The following VPS13A variants were observed in gnomAD, a reference collection of about 807,000 sequenced individuals.
The protein encoded by VPS13A is vacuolar protein sorting 13 homolog A.
A neutral mutation model predicts 390.9 loss-of-function variants in VPS13A; 264 were observed. The observed-to-expected ratio is 0.68, with a 90% CI of 0.61 to 0.75. The LOEUF (loss-of-function observed/expected upper bound fraction) is 0.75. VPS13A is among the 30% of genes least tolerant of loss of function. The pLI is 0.00. For synonymous variants in VPS13A, 1,231 were observed against 1,227.1 expected, an observed-to-expected ratio of 1.00 and a Z score of -0.07; for missense variants, 3,409 against 3,733.9, an observed-to-expected ratio of 0.91 and a Z score of 2.27.
chr9:77,182,020 A>C lies in VPS13A; in HGVS notation c.100+4216A>C, dbSNP rs187141981. ...AATTCTCCCTTCCCATATATCATCT[A>C]GTTAGAGAGGTGGTAATATTTCATA... On this transcript the variant is annotated intron_variant, in intron 1 of 71. Coordinates refer to ENST00000360280, the MANE Select transcript of VPS13A (RefSeq NM_033305.3). Among the ~76,000 whole-genome samples, 3 of 152,296 alleles carry C rather than the reference A, an allele frequency of 2.0e-5. No homozygotes were observed. The East Asian group carries it at 5.8e-4, about 29-fold the overall frequency.
chr9:77,293,582 T>G (rs1377156624), intron 32 of VPS13A, 74 bp downstream of exon 32: 2 of 872,974 alleles, frequency 2.3e-6, no homozygotes, highest in Admixed American at 7.5e-5. Context: ...GGATGAAGAC[T>G]AGTAAGAATT....
chr9:77,212,992 A>G lies in VPS13A; in HGVS notation c.579A>G (p.Pro193=), dbSNP rs2131152544. 1.9e-6 allele frequency: 3 copies of G among 1,613,968 alleles called. No homozygotes were observed. Among genetic ancestry groups the G allele is most frequent in the African/African-American group, 2.7e-5 (2 of 75,036 alleles). ...SMQTTDQYWV[P]CLHDETEKLV... ...AGACAACTGATCAATACTGGGTTCC[A>G]TGTTTACATGATGAAACTGAGAAAC... The change falls in exon 8 of 72, where the codon CCA becomes CCG. Residue 193 remains proline, a synonymous_variant. Transcript: ENST00000360280.
chr9:77,391,467 C>G (rs1011664774), intron 68 of VPS13A, among the ~76,000 whole-genome samples: 7 of 152,062 alleles, frequency 4.6e-5, no homozygotes, highest in Non-Finnish European at 8.8e-5. Flanking sequence ...AAGGAAGCAC[C>G]ATGTTTTTTG....
chr9:77,288,081 G>A lies in VPS13A; in HGVS notation c.3339+4431G>A, dbSNP rs566641092. Among the ~76,000 whole-genome samples the A allele has an allele frequency of 3.6e-4, 55 of 152,040 alleles. 1 individual carries two copies. In the South Asian group the frequency reaches 7.9e-3, roughly 22 times the overall value. On this transcript the variant is annotated intron_variant, in intron 31 of 71. Coordinates refer to ENST00000360280, the MANE Select transcript of VPS13A (RefSeq NM_033305.3). Reference sequence around the variant, plus strand: ...CCTTAGAATCACTGCACTGTTTTTCGTTCCTGTAGTTTTGCAGTTTCCAAA... The same window carrying A: ...CCTTAGAATCACTGCACTGTTTTTCATTCCTGTAGTTTTGCAGTTTCCAAA...
At chr9:77,251,081 G>A (rs577536825) in intron 21 of VPS13A, among the ~76,000 whole-genome samples, 1 of 152,330 alleles carries the variant, frequency 6.6e-6, no homozygotes, top group Admixed American at 6.5e-5. Context: ...TTGTTAATTT[G>A]TATAGGACTG....
intron 33 of VPS13A, among the ~76,000 whole-genome samples, chr9:77,301,208 A>G (rs907721394): frequency 6.6e-6 from 1 of 152,226 alleles, no homozygotes. Context: ...ATATAGATAT[A>G]TAAAATACAA....
At chr9:77,370,699 G>A in intron 65 of VPS13A, 121 bp downstream of exon 65, 1 of 1,458,704 alleles carries the variant, frequency 6.9e-7, no homozygotes, top group Non-Finnish European at 9.4e-7. Context: ...TATTTTAAGA[G>A]CAGTGGGTGG....
intron 68 of VPS13A, among the ~76,000 whole-genome samples, chr9:77,389,464 C>T (rs2131626572): frequency 6.6e-6 from 1 of 152,038 alleles, no homozygotes; most frequent in East Asian, 1.9e-4. Context: ...CACCACTATG[C>T]CAGGCTAATT....
At chr9:77,394,127 T>C (rs911657304) in intron 68 of VPS13A, among the ~76,000 whole-genome samples, 3 of 152,110 alleles carry the variant, frequency 2.0e-5, no homozygotes, top group Non-Finnish European at 4.4e-5. Flanking sequence ...TGCAGTGATA[T>C]GGCCTTGGCT....
At position 77,341,691 on chromosome 9, in the gene VPS13A, C is replaced by CTTTTTTTT. The variant is rs57841628; in HGVS notation, c.7026+1163_7026+1170dup. ...AGTAAGTTCTACATGGACATCTTTC[C>CTTTTTTTT]TTTTTTTTTTTTTTTTTTTTTTTTT... On this transcript the variant is annotated intron_variant, in intron 50 of 71. Coordinates refer to ENST00000360280, the MANE Select transcript of VPS13A (RefSeq NM_033305.3). 7.9e-3 allele frequency among the ~76,000 whole-genome samples: 299 copies of CTTTTTTTT among 37,860 alleles called. 30 individuals carry two copies. The highest frequency in any genetic ancestry group is 0.014 in the East Asian group (17 of 1,212). 24.8% of individuals were successfully genotyped at this position (37,860 alleles called of 152,430 possible). A position where few individuals can be genotyped will look rare whatever the true frequency, so the allele number is the denominator to read the frequency against.
Position 77,421,537 on chromosome 9 carries a change from T to C in VPS13A, c.*5531T>C, listed in dbSNP as rs1835339107. 6.6e-6 allele frequency: 1 copy of C among 152,224 alleles called. No homozygotes were observed. Among genetic ancestry groups the C allele is most frequent in the Non-Finnish European group, 1.5e-5 (1 of 68,038 alleles). 9.4% of individuals were successfully genotyped at this position (152,224 alleles called of 1,614,324 possible). A position where few individuals can be genotyped will look rare whatever the true frequency, so the allele number is the denominator to read the frequency against. On this transcript the variant is annotated 3_prime_UTR_variant, in exon 72 of 72. Coordinates refer to ENST00000360280, the MANE Select transcript of VPS13A (RefSeq NM_033305.3). ...TTGTCAAATAAAGATTTCTGATCTT[T>C]GGTCTGCTTCTGTTTTTAGTTTTTT...
chr9:77,339,489 G>GTTTT (rs765264048), intron 47 of VPS13A, 27 bp from the exon 48 acceptor site: 127 of 1,121,988 alleles, frequency 1.1e-4, no homozygotes, highest in South Asian at 3.7e-4. Flanking sequence ...TTTAAATTTT[G>GTTTT]TTTTGTTTTT....
chr9:77,200,363 C>T (rs1378615699), intron 2 of VPS13A, among the ~76,000 whole-genome samples: 1 of 152,076 alleles, frequency 6.6e-6, no homozygotes, highest in Non-Finnish European at 1.5e-5. Context: ...GTGGTGGACG[C>T]CAGTAATCCC....
intron 5 of VPS13A, 98 bp downstream of exon 5, chr9:77,206,177 T>A: frequency 1.1e-6 from 1 of 890,918 alleles, no homozygotes; most frequent in Non-Finnish European, 1.8e-6. Context: ...GATGCTGAGA[T>A]TATTTCAGAA....
At chr9:77,402,098 C>T (rs2131645830) in intron 68 of VPS13A, among the ~76,000 whole-genome samples, 1 of 152,062 alleles carries the variant, frequency 6.6e-6, no homozygotes, top group South Asian at 2.1e-4. Context: ...TATGTATGTC[C>T]CTTTTTCATT....
chr9:77,181,530 A>AG (rs1290291923), intron 1 of VPS13A, among the ~76,000 whole-genome samples: 1 of 151,690 alleles, frequency 6.6e-6, no homozygotes, highest in Non-Finnish European at 1.5e-5. Context: ...AAAAAAAAAA[A>AG]AAAAAAGAAA....
intron 1 of VPS13A, among the ~76,000 whole-genome samples, chr9:77,194,551 G>A (rs1824876490): frequency 6.6e-6 from 1 of 152,164 alleles, no homozygotes. Flanking sequence ...GCAGACTGGA[G>A]TCCTGTTTCT....
At chr9:77,339,933 T>C (rs1318275372) in intron 48 of VPS13A, 22 bp downstream of exon 48, 50 of 1,605,014 alleles carry the variant, frequency 3.1e-5, no homozygotes, top group Non-Finnish European at 3.9e-5. Context: ...TTATTCTGTT[T>C]TTCCCTTGTC....
At chr9:77,405,211 T>C (rs992603434) in intron 69 of VPS13A, among the ~76,000 whole-genome samples, 3 of 152,176 alleles carry the variant, frequency 2.0e-5, no homozygotes. Flanking sequence ...CCTCTAAAAT[T>C]GGCAGTAATG....
Sources: gnomAD v4.1 joint callset for allele counts (sites outside exome capture counted in the v4.1 genomes callset) on GRCh38, gnomAD v4.1.1 for gene constraint, MANE v1.5 for transcripts, NCBI Gene and HGNC (gene_info 2026-07-23, HGNC 2026-07-21) for gene names.